ACE: variants seen among roughly 807,000 people sequenced by gnomAD.
The protein encoded by ACE is angiotensin I converting enzyme.
A neutral mutation model predicts 162.3 loss-of-function variants in ACE; 122 were observed. That is an observed-to-expected ratio of 0.75 (90% CI 0.65 to 0.87). The LOEUF (loss-of-function observed/expected upper bound fraction) is 0.87, where lower values mean the gene tolerates loss of function less well. ACE is among the 40% of genes least tolerant of loss of function. ACE has a pLI of 0.00. For synonymous variants in ACE, 796 were observed against 720.6 expected (o/e 1.10, Z -1.68); for missense variants, 1,799 against 1,735.1 (o/e 1.04, Z -0.65).
rs1334067073 is a variant in ACE at position 63,478,025 on chromosome 17, C to T, written c.344C>T (p.Pro115Leu). The T allele has an allele frequency of 3.7e-6, 6 of 1,608,736 alleles. No individual in the cohort carries two copies. Among genetic ancestry groups the T allele is most frequent in the Non-Finnish European group, 5.1e-6 (6 of 1,177,956 alleles). Reference protein sequence around the residue: ...YEPIWQNFTDPQLRRIIGAVR... With the variant: ...YEPIWQNFTDLQLRRIIGAVR... ...CCGATCTGGCAGAACTTCACGGACC[C>T]GCAGCTGCGCAGGATCATCGGAGCT... The change falls in exon 2 of 25, where the codon CCG becomes CTG. Residue 115 changes from proline to leucine, a missense_variant. Pro to Leu is a moderately conservative substitution (Grantham distance 98). Coordinates refer to ENST00000290866, the MANE Select transcript of ACE (RefSeq NM_000789.4).
At position 63,486,595 on chromosome 17, in the gene ACE, G is replaced by C; in HGVS notation, c.2097G>C (p.Lys699Asn). The C allele has an allele frequency of 6.2e-7, 1 of 1,614,068 alleles. No individual in the cohort carries two copies. Among genetic ancestry groups the C allele is most frequent in the East Asian group, 2.2e-5 (1 of 44,902 alleles). ...TGCAAATAGCCAACCACACCCTGAA[G>C]TACGGCACCCAGGCCAGGAAGTTTG... is the stretch of plus-strand genomic sequence containing the variant. ...KNMQIANHTL[K>N]YGTQARKFDV... Residue 699 changes from lysine (K) to asparagine (N), a missense_variant, in exon 14 of 25, where the codon AAG becomes AAC. Lys to Asn is a moderately conservative substitution (Grantham distance 94). Coordinates refer to ENST00000290866, the MANE Select transcript of ACE (RefSeq NM_000789.4).
In ACE at chr17:63,483,470, CA is replaced by C; in HGVS notation, c.1499del (p.Gln500ArgfsTer25). On this transcript the variant is annotated frameshift_variant, in exon 10 of 25. Coordinates refer to ENST00000290866, the MANE Select transcript of ACE (RefSeq NM_000789.4). LOFTEE classifies it high-confidence loss of function. The stretch of plus-strand genomic sequence containing the variant: ...ACCATCCTTTTCCAGAACCAAGTAT[CA>C]GGGGATCTGTCCTCCTGTTACCCGA... ...FDWWYLRTKY[Q>X]GICPPVTRNE... 6.2e-7 allele frequency: 1 copy of C among 1,613,942 alleles called. No homozygotes were observed. The highest frequency in any genetic ancestry group is 8.5e-7 in the Non-Finnish European group (1 of 1,179,798).
chr17:63,486,684 G>A lies in ACE; in HGVS notation c.2186G>A (p.Arg729Gln), dbSNP rs201527082. Residue 729 changes from arginine to glutamine, a missense_variant, in exon 14 of 25, where the codon CGG becomes CAG. Transcript: ENST00000290866. The stretch of plus-strand genomic sequence containing the variant: ...ATAAAGAAGGTTCAGGACCTAGAAC[G>A]GGCAGCACTGCCTGCCCAGGAGCTG... Reference protein sequence around the residue: ...RIIKKVQDLERAALPAQELEE... With the variant: ...RIIKKVQDLEQAALPAQELEE... 2.4e-5 allele frequency: 39 copies of A among 1,614,222 alleles called. No individual in the cohort carries two copies. In the East Asian group the frequency reaches 7.8e-4, roughly 32 times the overall value.
At chr17:63,488,458 G>T in intron 15 of ACE, 190 bp from the exon 16 acceptor site, 1 of 483,222 alleles carries the variant, frequency 2.1e-6, no homozygotes, top group South Asian at 2.6e-5. Context: ...GTGGCCCCAG[G>T]CCGGGGACTC....
intron 21 of ACE, 121 bp from the exon 22 acceptor site, chr17:63,494,251 C>A: frequency 1.6e-6 from 2 of 1,260,654 alleles, no homozygotes; most frequent in Non-Finnish European, 2.3e-6. Flanking sequence ...AGGCCCAGCA[C>A]GCAGGAGAAT....
chr17:63,492,139 G>A (rs1384906235), intron 19 of ACE, among the ~76,000 whole-genome samples: 1 of 152,166 alleles, frequency 6.6e-6, no homozygotes, highest in Non-Finnish European at 1.5e-5. Context: ...CTGGAGGTGG[G>A]TCAGGCATCT....
Position 63,479,034 on chromosome 17 carries a change from A to G in ACE, c.445A>G (p.Arg149Gly). The change falls in exon 3 of 25, where the codon AGG becomes GGG. Residue 149 changes from arginine to glycine, a missense_variant. Transcript: ENST00000290866. The stretch of plus-strand genomic sequence containing the variant: ...CAACGCCCTGCTAAGCAACATGAGC[A>G]GGATCTACTCCACCGCCAAGGTCTG... The part of the protein sequence containing the change: ...QYNALLSNMS[R>G]IYSTAKVCLP... 6.2e-7 allele frequency: 1 copy of G among 1,613,712 alleles called. No homozygotes were observed. The highest frequency in any genetic ancestry group is 8.5e-7 in the Non-Finnish European group (1 of 1,179,880).
intron 2 of ACE, 48 bp from the exon 3 acceptor site, chr17:63,478,959 T>C (rs373561597): frequency 1.0e-4 from 159 of 1,522,404 alleles, no homozygotes; most frequent in Admixed American, 8.2e-4. Flanking sequence ...GGAGGGCAGA[T>C]GTCCCAGGGG....
rs141369597 is a variant in ACE at position 63,483,891 on chromosome 17, C to G, written c.1629C>G (p.Ala543=). ...SFVLQFQFHE[A]LCKEAGYEGP... ...TCCTGCAGTTCCAGTTCCATGAAGCCCTGTGCAAGGAGGCAGGCTATGAGG... is the reference window on the plus strand; with the variant it reads ...TCCTGCAGTTCCAGTTCCATGAAGCGCTGTGCAAGGAGGCAGGCTATGAGG... The change falls in exon 11 of 25, where the codon GCC becomes GCG. Residue 543 remains alanine, a synonymous_variant. Transcript: ENST00000290866. 1.2e-6 allele frequency: 2 copies of G among 1,614,096 alleles called. No individual in the cohort carries two copies. The highest frequency in any genetic ancestry group is 1.7e-5 in the Admixed American group (1 of 60,014).
rs747412511 is a variant in ACE at position 63,496,802 on chromosome 17, G to A, written c.3508G>A (p.Ala1170Thr). ...SKEAGQRLAT[A>T]MKLGFSRPWP... ...CCCTGTCTCATGCCTCCCCAGGACCGCCATGAAGCTGGGCTTCAGTAGGCC... is the reference window on the plus strand; with the variant it reads ...CCCTGTCTCATGCCTCCCCAGGACCACCATGAAGCTGGGCTTCAGTAGGCC... Residue 1170 changes from alanine (A) to threonine (T), a missense_variant, in exon 24 of 25, where the codon GCC (alanine) becomes ACC (threonine). Physicochemically the swap from Ala to Thr is moderately conservative, Grantham distance 58 (BLOSUM62 0). Coordinates refer to ENST00000290866, the MANE Select transcript of ACE (RefSeq NM_000789.4). 9.3e-6 allele frequency: 15 copies of A among 1,611,922 alleles called. No homozygotes were observed. Among genetic ancestry groups the A allele is most frequent in the Admixed American group, 3.3e-5 (2 of 60,006 alleles).
At chr17:63,488,478 C>A in intron 15 of ACE, 170 bp from the exon 16 acceptor site, 1 of 351,212 alleles carries the variant, frequency 2.8e-6, no homozygotes, top group South Asian at 5.4e-5. Context: ...CTGTAAGCCA[C>A]TGCTGGAGAG....
intron 13 of ACE, chr17:63,485,782 A>AC (rs1599145244): frequency 8.4e-6 from 2 of 237,348 alleles, no homozygotes; most frequent in East Asian, 2.2e-4. Flanking sequence ...CAAAAAAAAA[A>AC]AAAAAAAAAA....
chr17:63,485,784 A>C (rs993318305), intron 13 of ACE: 10 of 237,908 alleles, frequency 4.2e-5, no homozygotes, highest in Non-Finnish European at 6.7e-5. Flanking sequence ...AAAAAAAAAA[A>C]AAAAAAAACT....
intron 19 of ACE, among the ~76,000 whole-genome samples, chr17:63,492,053 G>A (rs570177026): frequency 6.6e-6 from 1 of 152,294 alleles, no homozygotes; most frequent in East Asian, 1.9e-4. Flanking sequence ...TTCCCATGTG[G>A]CAGATGCTGG....
At chr17:63,481,510 T>G in intron 6 of ACE, 56 bp from the exon 7 acceptor site, 1 of 1,600,214 alleles carries the variant, frequency 6.2e-7, no homozygotes, top group Non-Finnish European at 8.5e-7. Flanking sequence ...CCCAGCCCTG[T>G]CCCCAGGCCA....
intron 5 of ACE, among the ~76,000 whole-genome samples, chr17:63,480,789 G>A (rs1053782402): frequency 6.6e-6 from 1 of 152,224 alleles, no homozygotes; most frequent in African/African-American, 2.4e-5. Context: ...GGGTCCAGTG[G>A]GGGAGCCATC....
intron 22 of ACE, among the ~76,000 whole-genome samples, chr17:63,495,146 A>G (rs1232935095): frequency 6.6e-6 from 1 of 152,144 alleles, no homozygotes; most frequent in Non-Finnish European, 1.5e-5. Context: ...CCCACTATTC[A>G]TCACTCTCTA....
chr17:63,493,017 C>G (rs1020400792), intron 19 of ACE, among the ~76,000 whole-genome samples: 12 of 152,208 alleles, frequency 7.9e-5, no homozygotes, highest in African/African-American at 2.9e-4. Context: ...GAATCGCCCA[C>G]TCTCACCCCT....
intron 22 of ACE, 44 bp from the exon 23 acceptor site, chr17:63,496,350 C>T (rs200546025): frequency 8.1e-6 from 13 of 1,613,576 alleles, no homozygotes; most frequent in Non-Finnish European, 1.1e-5. Context: ...GGCACAAGGC[C>T]CTCAACCAAC....
Sources: gnomAD v4.1 joint callset for allele counts (sites outside exome capture counted in the v4.1 genomes callset) on GRCh38, gnomAD v4.1.1 for gene constraint, MANE v1.5 for transcripts, NCBI Gene and HGNC (gene_info 2026-07-23, HGNC 2026-07-21) for gene names.